The following CFAP20DC variants were observed in gnomAD, a reference collection of about 807,000 sequenced individuals.
CFAP20DC encodes CFAP20 domain containing, also known as protein CFAP20DC.
Under a neutral mutation model 101.7 loss-of-function variants are expected in CFAP20DC, and 84 were observed. The observed-to-expected ratio is 0.83, with a 90% CI of 0.69 to 0.99. The LOEUF (loss-of-function observed/expected upper bound fraction) is 0.99. Among genes scored for constraint, CFAP20DC ranks in the 50% least tolerant of loss-of-function variants. The pLI, the probability that CFAP20DC is intolerant of heterozygous loss-of-function variation, is 0.00. For missense variants in CFAP20DC, 1,007 were observed against 970.3 expected (o/e 1.04, Z -0.50); for synonymous variants, 359 against 351.2 (o/e 1.02, Z -0.25).
chr3:58,725,452 T>C (rs1298546919), intron 3 of CFAP20DC, among the ~76,000 whole-genome samples: 1 of 152,208 alleles, frequency 6.6e-6, no homozygotes, highest in Non-Finnish European at 1.5e-5. Context: ...CTCCTCGCTA[T>C]CACAGTGACT....
In CFAP20DC at chr3:58,859,911, G is replaced by T. The variant is rs2079107970; in HGVS notation, c.1593+3647C>A. Among the ~76,000 whole-genome samples, 3 of 152,080 alleles carry T rather than the reference G, an allele frequency of 2.0e-5. No homozygotes were observed. The highest frequency in any genetic ancestry group is 2.0e-4 in the Admixed American group (3 of 15,268). ...AATCATTACTTGGCCAGGCGCGATGGCTCATGCCTGTAATCCCAGCACTTT... is the reference window on the plus strand; with the variant it reads ...AATCATTACTTGGCCAGGCGCGATGTCTCATGCCTGTAATCCCAGCACTTT... On this transcript the variant is annotated intron_variant, in intron 12 of 16. Coordinates refer to ENST00000482387, the MANE Select transcript of CFAP20DC (RefSeq NM_001394063.1). This position sits in a 1 kb window ranked among gnomAD's most constrained non-coding sequence, Gnocchi z 4.1.
At chr3:58,784,282 T>C (rs1451663916) in intron 15 of CFAP20DC, among the ~76,000 whole-genome samples, 1 of 152,042 alleles carries the variant, frequency 6.6e-6, no homozygotes, top group Non-Finnish European at 1.5e-5. Context: ...GGCTGCACAG[T>C]ACTCCATCAT....
chr3:58,766,395 T>C (rs1324247906), intron 15 of CFAP20DC, among the ~76,000 whole-genome samples: 1 of 152,176 alleles, frequency 6.6e-6, no homozygotes, highest in Non-Finnish European at 1.5e-5. Flanking sequence ...CTAAATAGCT[T>C]TGAATCTACC....
At chr3:58,811,356 G>C (rs1258520545) in intron 14 of CFAP20DC, among the ~76,000 whole-genome samples, 1 of 151,988 alleles carries the variant, frequency 6.6e-6, no homozygotes. Context: ...CCAAAACAGA[G>C]ATATAGATCA....
intron 5 of CFAP20DC, 43 bp downstream of exon 5, chr3:58,937,605 G>T: frequency 8.6e-7 from 1 of 1,168,328 alleles, no homozygotes; most frequent in South Asian, 1.2e-5. Context: ...AATATTTGTT[G>T]AATTGAATTT....
At chr3:58,806,602 T>G in intron 14 of CFAP20DC, 146 bp from the exon 15 acceptor site, 7 of 655,752 alleles carry the variant, frequency 1.1e-5, no homozygotes, top group Non-Finnish European at 1.7e-5. Flanking sequence ...GACGGCCGAA[T>G]AGGAACAGCT....
rs566903072 is a variant in CFAP20DC at position 58,795,576 on chromosome 3, G to A, written c.2237+10819C>T. On this transcript the variant is annotated intron_variant, in intron 15 of 16. Coordinates refer to ENST00000482387, the MANE Select transcript of CFAP20DC (RefSeq NM_001394063.1). The surrounding 1 kb of genome is among the most constrained non-coding windows in gnomAD (Gnocchi z 4.2). The stretch of plus-strand genomic sequence containing the variant: ...GGAGGCCGAGGCTGCAATGAGCCAT[G>A]ATTGTGCCACTGCACTTCAGCCTGG... Among the ~76,000 whole-genome samples, 1 of 152,352 alleles carries A rather than the reference G, an allele frequency of 6.6e-6. No individual in the cohort carries two copies. The highest frequency in any genetic ancestry group is 2.1e-4 in the South Asian group (1 of 4,828).
At chr3:58,764,103 CT>C (rs897631471) in intron 15 of CFAP20DC, among the ~76,000 whole-genome samples, 41 of 152,306 alleles carry the variant, frequency 2.7e-4, no homozygotes, top group African/African-American at 9.4e-4. Context: ...TTTCTGCTGC[CT>C]TTTGTTTGGC....
rs1169614514 is a variant in CFAP20DC at position 59,002,712 on chromosome 3, A to G, written c.278+36845T>C. Among the ~76,000 whole-genome samples the G allele has an allele frequency of 6.6e-6, 1 of 152,132 alleles. No homozygotes were observed. The highest frequency in any genetic ancestry group is 2.4e-5 in the African/African-American group (1 of 41,428). On this transcript the variant is annotated intron_variant, in intron 4 of 16. Coordinates refer to ENST00000482387, the MANE Select transcript of CFAP20DC (RefSeq NM_001394063.1). The surrounding 1 kb of genome is among the most constrained non-coding windows in gnomAD (Gnocchi z 4.5). ...AGACTTATCAATGAGGATTGGTTCT[A>G]TTTTTCTTCAACTTTCTTCCTCACT...
chr3:58,993,519 C>T (rs1302197770), intron 4 of CFAP20DC, among the ~76,000 whole-genome samples: 1 of 152,004 alleles, frequency 6.6e-6, no homozygotes, highest in African/African-American at 2.4e-5. Flanking sequence ...CTGCACAGAA[C>T]ATCCCATCAC....
intron 16 of CFAP20DC, among the ~76,000 whole-genome samples, chr3:58,749,687 G>A (rs1257875326): frequency 6.6e-6 from 1 of 151,260 alleles, no homozygotes; most frequent in African/African-American, 2.5e-5. Context: ...CTACAAGACA[G>A]GGCTACAGGC....
chr3:58,784,393 A>C lies in CFAP20DC; in HGVS notation c.2237+22002T>G, dbSNP rs117890775. Among the ~76,000 whole-genome samples, 264 of 152,200 alleles carry C rather than the reference A, an allele frequency of 1.7e-3. 5 individuals carry two copies. The East Asian group carries it at 0.034, about 20-fold the overall frequency. ...TAGGTAGAAGGAAGGGAGGGAGGCA[A>C]GGGTTAAAAAAACTATTGAGTTCTA... On this transcript the variant is annotated intron_variant, in intron 15 of 16. Transcript: ENST00000482387.
At chr3:58,989,052 T>C (rs1035288775) in intron 4 of CFAP20DC, among the ~76,000 whole-genome samples, 1 of 152,152 alleles carries the variant, frequency 6.6e-6, no homozygotes, top group African/African-American at 2.4e-5. Context: ...AAATTAATGA[T>C]AAACTGGCAG....
At position 58,938,920 on chromosome 3, in the gene CFAP20DC, CA is replaced by C. The variant is rs1199644176; in HGVS notation, c.279-1159del. Among the ~76,000 whole-genome samples, 4 of 152,216 alleles carry C rather than the reference CA, an allele frequency of 2.6e-5. No homozygotes were observed. In the East Asian group the frequency reaches 7.7e-4, roughly 29 times the overall value. ...ATTTAAAATACAACGTCTTTCAATCCATAGTCAGAGCTAAGGTTTAAAATGC... is the reference window on the plus strand; with the variant it reads ...ATTTAAAATACAACGTCTTTCAATCCTAGTCAGAGCTAAGGTTTAAAATGC... On this transcript the variant is annotated intron_variant, in intron 4 of 16. Coordinates refer to ENST00000482387, the MANE Select transcript of CFAP20DC (RefSeq NM_001394063.1).
Position 58,849,379 on chromosome 3 carries a change from G to C in CFAP20DC, c.1624C>G (p.Pro542Ala), listed in dbSNP as rs1239983693. The C allele has an allele frequency of 6.5e-7, 1 of 1,535,266 alleles. No homozygotes were observed. Among genetic ancestry groups the C allele is most frequent in the Admixed American group, 2.0e-5 (1 of 50,898 alleles). Residue 542 changes from proline to alanine, a missense_variant, in exon 13 of 17, where the codon CCA becomes GCA. Pro to Ala is a conservative substitution (Grantham distance 27). Transcript: ENST00000482387. ...GNHSIQGSRG[P>A]TTGPSELTQL... ...GTTAACTCTGAAGGACCAGTTGTTG[G>C]GCCTCGAGAACCCTGGATACTGTGG...
At chr3:58,862,691 T>C in intron 12 of CFAP20DC, 1 of 976,672 alleles carries the variant, frequency 1.0e-6, no homozygotes. Flanking sequence ...AAATATTTTG[T>C]GGGCACATAT....
chr3:59,038,276 A>G (rs1268731724), intron 4 of CFAP20DC, among the ~76,000 whole-genome samples: 3 of 152,124 alleles, frequency 2.0e-5, no homozygotes, highest in African/African-American at 7.2e-5. Context: ...AACTTAAAGT[A>G]TAATAATAAT....
chr3:59,031,304 C>T (rs1164946054), intron 4 of CFAP20DC, among the ~76,000 whole-genome samples: 1 of 152,130 alleles, frequency 6.6e-6, no homozygotes, highest in African/African-American at 2.4e-5. Context: ...GGCCAACTAC[C>T]AGCACCCTCA....
chr3:58,810,265 G>C (rs1413322247), intron 14 of CFAP20DC, among the ~76,000 whole-genome samples: 1 of 151,970 alleles, frequency 6.6e-6, no homozygotes, highest in Admixed American at 6.6e-5. Context: ...GAGAATTTTA[G>C]ACCAATATCC....
Sources: allele counts gnomAD v4.1 joint callset (sites outside exome capture counted in the v4.1 genomes callset), GRCh38; gene constraint gnomAD v4.1.1; non-coding constraint Gnocchi (gnomAD v3.1); transcripts MANE v1.5; gene names NCBI Gene and HGNC (gene_info 2026-07-23, HGNC 2026-07-21).